MYO18B: variants seen among roughly 807,000 people sequenced by gnomAD.
The protein encoded by MYO18B is myosin XVIIIB, also known as unconventional myosin-XVIIIb.
In MYO18B, 204 loss-of-function variants were observed where a neutral mutation model predicts 273.0. The observed-to-expected ratio is 0.75, with a 90% confidence interval of 0.67 to 0.84. The LOEUF (loss-of-function observed/expected upper bound fraction) is 0.84. Among genes scored for constraint, MYO18B ranks in the 40% least tolerant of loss-of-function variants. MYO18B has a pLI of 0.00. For missense variants in MYO18B, 3,212 were observed against 3,287.6 expected (o/e 0.98, Z 0.56); for synonymous variants, 1,330 against 1,305.7 (o/e 1.02, Z -0.40).
intron 39 of MYO18B, among the ~76,000 whole-genome samples, chr22:25,961,023 G>T (rs1028857596): frequency 3.3e-5 from 5 of 152,004 alleles, no homozygotes; most frequent in African/African-American, 1.2e-4. Context: ...AAAGAGGAAA[G>T]AAGGGAAAGG....
At chr22:25,813,340 G>A (rs763274878) in intron 12 of MYO18B, among the ~76,000 whole-genome samples, 6 of 151,672 alleles carry the variant, frequency 4.0e-5, no homozygotes, top group African/African-American at 4.8e-5. Context: ...ATGAGCCACC[G>A]CACCCTGTCC....
intron 34 of MYO18B, among the ~76,000 whole-genome samples, chr22:25,932,910 G>T (rs538435889): frequency 6.6e-6 from 1 of 151,830 alleles, no homozygotes. Context: ...CTCTTGACCT[G>T]CCAAGCCTAA....
At chr22:26,023,233 C>G (rs1935957806) in intron 42 of MYO18B, among the ~76,000 whole-genome samples, 1 of 152,186 alleles carries the variant, frequency 6.6e-6, no homozygotes, top group South Asian at 2.1e-4. Context: ...TTCTCTTCTT[C>G]CCACATTTCT....
At chr22:25,843,685 A>G in intron 17 of MYO18B, 50 bp from the exon 18 acceptor site, 1 of 1,565,478 alleles carries the variant, frequency 6.4e-7, no homozygotes, top group Non-Finnish European at 8.7e-7. Context: ...AGCTGATTGC[A>G]GAGTGTCCTC....
chr22:25,910,908 C>T, intron 32 of MYO18B, 38 bp from the exon 33 acceptor site: 2 of 1,494,548 alleles, frequency 1.3e-6, no homozygotes, highest in Non-Finnish European at 1.8e-6. Context: ...GGATGGAGTT[C>T]ATTTACCCTG....
chr22:25,870,209 C>T (rs552954825), intron 22 of MYO18B, among the ~76,000 whole-genome samples: 5 of 152,276 alleles, frequency 3.3e-5, no homozygotes, highest in Non-Finnish European at 5.9e-5. Flanking sequence ...AATGCAGTCA[C>T]GTGTGGCTTA....
At chr22:25,876,511 C>T (rs1306262178) in intron 24 of MYO18B, among the ~76,000 whole-genome samples, 179 bp downstream of exon 24, 1 of 152,186 alleles carries the variant, frequency 6.6e-6, no homozygotes, top group African/African-American at 2.4e-5. Flanking sequence ...GACAATCCTC[C>T]ATCCCATGCC....
intron 29 of MYO18B, chr22:25,900,380 G>A (rs8137311): frequency 0.12 from 18,841 of 152,182 alleles, 1,539 homozygotes; most frequent in African/African-American, 0.24. Context: ...TGCATCTCTC[G>A]ATGCTTAATC....
rs778154773 is a variant in MYO18B at position 25,950,420 on chromosome 22, CAAG to C, written c.5806_5808del (p.Lys1936del). On this transcript the variant is annotated inframe_deletion, in exon 37 of 44. Coordinates refer to ENST00000335473, the MANE Select transcript of MYO18B (RefSeq NM_032608.7). ...AACTGCAGCTGCAGCTGGAGGAAGCCAAGAAGGAGAAGCACAAGCTACAAGAAC... is the reference window on the plus strand; with the variant it reads ...AACTGCAGCTGCAGCTGGAGGAAGCCAAGGAGAAGCACAAGCTACAAGAAC... The C allele has an allele frequency of 3.7e-6, 6 of 1,607,972 alleles. No individual in the cohort carries two copies. Among genetic ancestry groups the C allele is most frequent in the Non-Finnish European group, 4.2e-6 (5 of 1,177,290 alleles).
At chr22:25,780,851 C>T (rs1263904222) in intron 9 of MYO18B, among the ~76,000 whole-genome samples, 3 of 152,158 alleles carry the variant, frequency 2.0e-5, no homozygotes, top group Non-Finnish European at 4.4e-5. Context: ...TGAAATTAAA[C>T]AGACGCTTGC....
intron 21 of MYO18B, among the ~76,000 whole-genome samples, chr22:25,862,639 A>C (rs1007995114): frequency 1.3e-5 from 2 of 152,180 alleles, no homozygotes; most frequent in African/African-American, 4.8e-5. Flanking sequence ...AGCACTTCTA[A>C]CATGTAATCT....
At chr22:26,046,071 C>A in the MYO18B span, among the ~76,000 whole-genome samples, 2,354 of 152,284 alleles carry the variant, frequency 0.015, 29 homozygotes, top group African/African-American at 0.04. Flanking sequence ...CAACCCATTT[C>A]CATTTAATAG....
intron 12 of MYO18B, among the ~76,000 whole-genome samples, chr22:25,800,261 C>T (rs1239238188): frequency 1.3e-5 from 2 of 152,066 alleles, no homozygotes; most frequent in Non-Finnish European, 2.9e-5. Context: ...GTTGGGTATA[C>T]TAAAATCTGA....
Position 26,027,107 on chromosome 22 carries a change from C to T in MYO18B, c.7133C>T (p.Pro2378Leu). ...ACACCCAGGGACATGCTGTTGTCGC[C>T]CACACTGCGTCCTCGGAGGCGGTGT... ...PTTPRDMLLS[P>L]TLRPRRRCLE... The change falls in exon 43 of 44, where the codon CCC becomes CTC. Residue 2378 changes from proline (P) to leucine (L), a missense_variant. By Grantham distance (98) the Pro-to-Leu change is moderately conservative. Transcript: ENST00000335473. The surrounding 1 kb of genome is among the most constrained non-coding windows in gnomAD (Gnocchi z 4.1). The T allele has an allele frequency of 6.2e-7, 1 of 1,613,974 alleles. No individual in the cohort carries two copies. Among genetic ancestry groups the T allele is most frequent in the South Asian group, 1.1e-5 (1 of 91,076 alleles).
chr22:25,848,228 T>C (rs1295242126), intron 20 of MYO18B, among the ~76,000 whole-genome samples: 1 of 152,104 alleles, frequency 6.6e-6, no homozygotes, highest in Admixed American at 6.6e-5. Flanking sequence ...GTTGCTGTGA[T>C]CCCAGGAGAT....
At chr22:25,812,560 G>A (rs1272428471) in intron 12 of MYO18B, among the ~76,000 whole-genome samples, 1 of 152,212 alleles carries the variant, frequency 6.6e-6, no homozygotes, top group South Asian at 2.1e-4. Context: ...GAAGAGTGGT[G>A]GAGTCAGGAG....
chr22:25,931,196 AGAAGATAAAGACAGAATTGTAATT>A (rs2092494989), intron 34 of MYO18B, among the ~76,000 whole-genome samples: 1 of 152,220 alleles, frequency 6.6e-6, no homozygotes, highest in Non-Finnish European at 1.5e-5. Flanking sequence ...CTCCTGTCGG[AGAAGATAAAGACAGAATTGTAATT>A]GGTTAAAAAC....
In MYO18B at chr22:25,828,818, G is replaced by A. The variant is rs777956290; in HGVS notation, c.2829G>A (p.Val943=). The A allele has an allele frequency of 6.2e-7, 1 of 1,613,894 alleles. No individual in the cohort carries two copies. The highest frequency in any genetic ancestry group is 1.1e-5 in the South Asian group (1 of 91,072). ...SHHLSMASIM[V]VDSPGFQNPR... ...ATCTCTCCATGGCCTCCATCATGGT[G>A]GTGGACTCTCCAGGCTTCCAGAACC... Residue 943 remains valine, a synonymous_variant, in exon 15 of 44, where the codon GTG becomes GTA. Coordinates refer to ENST00000335473, the MANE Select transcript of MYO18B (RefSeq NM_032608.7).
chr22:25,790,432 G>A (rs1001216144), intron 11 of MYO18B, among the ~76,000 whole-genome samples: 1 of 152,186 alleles, frequency 6.6e-6, no homozygotes, highest in Non-Finnish European at 1.5e-5. Flanking sequence ...CTAAGGAGAT[G>A]TCTCCAGTTA....
Sources: allele counts gnomAD v4.1 joint callset (sites outside exome capture counted in the v4.1 genomes callset), GRCh38; gene constraint gnomAD v4.1.1; non-coding constraint Gnocchi (gnomAD v3.1); transcripts MANE v1.5; gene names NCBI Gene and HGNC (gene_info 2026-07-23, HGNC 2026-07-21).